SGCZ: variants seen among roughly 807,000 people sequenced by gnomAD.
The protein encoded by SGCZ is zeta-sarcoglycan.
In SGCZ, 40 loss-of-function variants were observed where a neutral mutation model predicts 41.3. The ratio of observed to expected loss-of-function variants is 0.97; its 90% CI spans 0.75 to 1.26. The LOEUF (loss-of-function observed/expected upper bound fraction) is 1.26. SGCZ is among the 50% of genes most tolerant of loss of function. The pLI is 0.00. For synonymous variants in SGCZ, 206 were observed against 137.5 expected, an observed-to-expected ratio of 1.50 and a Z score of -3.49; for missense variants, 552 against 369.8, an observed-to-expected ratio of 1.49 and a Z score of -4.04.
At chr8:14,840,559 C>A (rs1015173239) in intron 1 of SGCZ, among the ~76,000 whole-genome samples, 8 of 152,034 alleles carry the variant, frequency 5.3e-5, no homozygotes, top group Non-Finnish European at 4.4e-5. Context: ...ATAAGTGGGA[C>A]TAATGGAGGG....
chr8:14,375,543 A>G (rs1340683045), intron 2 of SGCZ, among the ~76,000 whole-genome samples: 1 of 152,216 alleles, frequency 6.6e-6, no homozygotes, highest in Non-Finnish European at 1.5e-5. Flanking sequence ...TCTGATTGCA[A>G]TGTAATAATA....
chr8:15,162,874 T>C lies in SGCZ; in HGVS notation c.39+74711A>G, dbSNP rs548981745. On this transcript the variant is annotated intron_variant, in intron 1 of 7. Transcript: ENST00000382080. ...CATTTATCCTACAATAGCAAGGAAA[T>C]CATGAAACTGCAGAAACAGTCTAAA... Among the ~76,000 whole-genome samples, 450 of 152,212 alleles carry C rather than the reference T, an allele frequency of 3.0e-3. 5 individuals are homozygous for C. Among genetic ancestry groups the C allele is most frequent in the Middle Eastern group, 0.014 (4 of 294 alleles).
At chr8:14,950,227 G>T (rs188287783) in intron 1 of SGCZ, among the ~76,000 whole-genome samples, 8 of 152,130 alleles carry the variant, frequency 5.3e-5, no homozygotes, top group Admixed American at 2.6e-4. Flanking sequence ...TGAAAGATAG[G>T]CCAGAGGGTC....
Position 14,896,065 on chromosome 8 carries a change from A to G in SGCZ, c.40-341139T>C, listed in dbSNP as rs904026255. On this transcript the variant is annotated intron_variant, in intron 1 of 7. Transcript: ENST00000382080. ...CAGCCCATGCTTGCTAACAATATAA[A>G]TTAAAATTACAGGTCATTAAAATCA... Among the ~76,000 whole-genome samples, 9 of 152,334 alleles carry G rather than the reference A, an allele frequency of 5.9e-5. No homozygotes were observed. In the East Asian group the frequency reaches 1.7e-3, roughly 29 times the overall value.
chr8:15,221,398 C>G (rs755894291), intron 1 of SGCZ, among the ~76,000 whole-genome samples: 2 of 152,182 alleles, frequency 1.3e-5, no homozygotes, highest in Middle Eastern at 3.4e-3. Context: ...AGAACTCTTT[C>G]TCTCATCTCT....
chr8:14,122,420 G>A (rs1802727750), intron 5 of SGCZ, among the ~76,000 whole-genome samples: 1 of 152,086 alleles, frequency 6.6e-6, no homozygotes, highest in South Asian at 2.1e-4. Context: ...CAATTTCAAG[G>A]AATTTATCCC....
chr8:15,010,409 C>T (rs1033449907), intron 1 of SGCZ, among the ~76,000 whole-genome samples: 1 of 152,134 alleles, frequency 6.6e-6, no homozygotes, highest in African/African-American at 2.4e-5. Context: ...CATTATGTTA[C>T]TATGTTTTCA....
intron 1 of SGCZ, among the ~76,000 whole-genome samples, chr8:14,767,570 G>A (rs1288174421): frequency 6.6e-6 from 1 of 152,194 alleles, no homozygotes; most frequent in Non-Finnish European, 1.5e-5. Flanking sequence ...GCAGTGAGAT[G>A]AAGATAAATC....
Position 15,093,023 on chromosome 8 carries a change from G to A in SGCZ, c.39+144562C>T, listed in dbSNP as rs138975669. On this transcript the variant is annotated intron_variant, in intron 1 of 7. Transcript: ENST00000382080. ...CTTTTAGTATCACACTCCCTAGGGC[G>A]TCATTAGAACTTTTCTGAAAGTGTC... 2.1e-3 allele frequency among the ~76,000 whole-genome samples: 324 copies of A among 152,228 alleles called. 2 individuals carry two copies. The highest frequency in any genetic ancestry group is 5.7e-3 in the African/African-American group (235 of 41,538).
At chr8:14,713,997 C>G (rs1270818912) in intron 1 of SGCZ, among the ~76,000 whole-genome samples, 1 of 152,076 alleles carries the variant, frequency 6.6e-6, no homozygotes, top group Non-Finnish European at 1.5e-5. Context: ...CAGATGGAGT[C>G]TCACTCTGTA....
At chr8:15,016,659 A>T (rs1429832869) in intron 1 of SGCZ, among the ~76,000 whole-genome samples, 9 of 152,184 alleles carry the variant, frequency 5.9e-5, no homozygotes, top group Non-Finnish European at 1.5e-5. Context: ...AGTACGTTTG[A>T]TAATTATTTA....
intron 1 of SGCZ, among the ~76,000 whole-genome samples, chr8:14,618,115 G>T (rs960366246): frequency 3.3e-5 from 5 of 152,006 alleles, no homozygotes; most frequent in Admixed American, 2.6e-4. Context: ...AAAACTATGT[G>T]CCATGCACTA....
At chr8:15,164,535 T>G (rs1799598313) in intron 1 of SGCZ, among the ~76,000 whole-genome samples, 2 of 151,732 alleles carry the variant, frequency 1.3e-5, no homozygotes, top group Non-Finnish European at 2.9e-5. Context: ...ATCTCCGTGG[T>G]GGAAGAACCA....
intron 2 of SGCZ, among the ~76,000 whole-genome samples, chr8:14,505,696 T>G (rs1802284771): frequency 6.6e-6 from 1 of 152,162 alleles, no homozygotes; most frequent in African/African-American, 2.4e-5. Context: ...TTAACCACTG[T>G]GTTAGGAAAT....
rs1801613138 is a variant in SGCZ at position 14,089,179 on chromosome 8, A to G, written c.*1264T>C. 6.6e-6 allele frequency among the ~76,000 whole-genome samples: 1 copy of G among 151,992 alleles called. No individual in the cohort carries two copies. On this transcript the variant is annotated 3_prime_UTR_variant, in exon 8 of 8. Transcript: ENST00000382080. ...TAAGCATTGGAAAATGAAAAGAACT[A>G]TAATTTTTGAGGTCAGGGTAGCCTA... is the stretch of plus-strand genomic sequence containing the variant.
intron 7 of SGCZ, among the ~76,000 whole-genome samples, chr8:14,093,859 C>T (rs1801762290): frequency 6.6e-6 from 1 of 152,032 alleles, no homozygotes; most frequent in Non-Finnish European, 1.5e-5. Context: ...TTATACTTTT[C>T]TCTATAGTAA....
chr8:14,369,026 T>A (rs960986606), intron 2 of SGCZ, among the ~76,000 whole-genome samples: 1 of 136,670 alleles, frequency 7.3e-6, no homozygotes, highest in East Asian at 1.9e-4. Flanking sequence ...TGTAAATGTG[T>A]GTGTGTGTGT....
At chr8:14,526,890 G>A (rs1230711337) in intron 2 of SGCZ, among the ~76,000 whole-genome samples, 1 of 152,176 alleles carries the variant, frequency 6.6e-6, no homozygotes, top group African/African-American at 2.4e-5. Context: ...TTTAAAAGAC[G>A]GTCGGTGGCT....
chr8:14,706,105 AT>A (rs1039342912), intron 1 of SGCZ, among the ~76,000 whole-genome samples: 16 of 152,066 alleles, frequency 1.1e-4, no homozygotes, highest in African/African-American at 3.9e-4. Context: ...AAAATCTAGA[AT>A]TTTCCCCCCC....
Sources: gnomAD v4.1 joint callset for allele counts (sites outside exome capture counted in the v4.1 genomes callset) on GRCh38, gnomAD v4.1.1 for gene constraint, MANE v1.5 for transcripts, NCBI Gene and HGNC (gene_info 2026-07-23, HGNC 2026-07-21) for gene names.